Variants in PKHD1 observed in about 807,000 individuals in gnomAD.
PKHD1 encodes the protein fibrocystin.
PKHD1 carries 291 observed loss-of-function variants against 412.0 expected under a neutral mutation model. The observed-to-expected ratio is 0.71, with a 90% confidence interval of 0.64 to 0.78. The LOEUF (loss-of-function observed/expected upper bound fraction) is 0.78, where lower values mean the gene tolerates loss of function less well. PKHD1 is among the 30% of genes least tolerant of loss of function. The pLI, the probability that PKHD1 is intolerant of heterozygous loss-of-function variation, is 0.00. For missense variants in PKHD1, 4,825 were observed against 4,950.7 expected (o/e 0.97, Z 0.76); for synonymous variants, 1,777 against 1,821.5 (o/e 0.98, Z 0.62).
intron 20 of PKHD1, 90 bp downstream of exon 20, chr6:52,053,948 C>T (rs956328026): frequency 6.0e-6 from 8 of 1,324,974 alleles, no homozygotes; most frequent in African/African-American, 5.8e-5. Flanking sequence ...AATATAAGAC[C>T]ATTAGTGCCT....
intron 66 of PKHD1, among the ~76,000 whole-genome samples, chr6:51,620,900 C>T (rs1766531939): frequency 6.6e-6 from 1 of 151,444 alleles, no homozygotes; most frequent in Non-Finnish European, 1.5e-5. Context: ...TTATGATAAG[C>T]CCATGTTATT....
Position 51,830,976 on chromosome 6 carries a change from G to T in PKHD1, c.8187C>A (p.Ala2729=), listed in dbSNP as rs149310653. ...GGGACCATTTTAAAGCTGATTCAGGGGCAGAGGTAGAAGCTAGAAAATAAA... is the reference window on the plus strand; with the variant it reads ...GGGACCATTTTAAAGCTGATTCAGGTGCAGAGGTAGAAGCTAGAAAATAAA... ...MPPTISASTS[A]PESALKWSLP... The change falls in exon 52 of 67, where the codon GCC becomes GCA. Residue 2729 remains alanine, a synonymous_variant. Coordinates refer to ENST00000371117, the MANE Select transcript of PKHD1 (RefSeq NM_138694.4). 2.3e-5 allele frequency: 37 copies of T among 1,611,824 alleles called. No individual in the cohort carries two copies. The African/African-American group carries it at 4.9e-4, about 22-fold the overall frequency.
chr6:51,663,465 T>C (rs545712372), intron 60 of PKHD1, among the ~76,000 whole-genome samples: 16 of 152,298 alleles, frequency 1.1e-4, no homozygotes, highest in Admixed American at 2.0e-4. Context: ...TCTAACTGTA[T>C]GTAATTTGAT....
At chr6:51,859,444 T>A (rs1412171160) in intron 48 of PKHD1, among the ~76,000 whole-genome samples, 1 of 145,068 alleles carries the variant, frequency 6.9e-6, no homozygotes, top group Non-Finnish European at 1.5e-5. Context: ...GAGAATGGCG[T>A]GAACCTGGGA....
intron 52 of PKHD1, among the ~76,000 whole-genome samples, chr6:51,823,979 T>C (rs1766905379): frequency 6.6e-6 from 1 of 152,178 alleles, no homozygotes; most frequent in African/African-American, 2.4e-5. Context: ...CTTTAATAAA[T>C]TTTAGGGGTC....
chr6:51,827,571 C>G (rs913217767), intron 52 of PKHD1, among the ~76,000 whole-genome samples: 1 of 152,154 alleles, frequency 6.6e-6, no homozygotes, highest in African/African-American at 2.4e-5. Flanking sequence ...AACTGCCCCT[C>G]TAATTCTTAC....
At chr6:51,793,982 T>A (rs9474074) in intron 52 of PKHD1, among the ~76,000 whole-genome samples, 25 of 151,522 alleles carry the variant, frequency 1.6e-4, no homozygotes, top group East Asian at 1.4e-3. Context: ...TAATTTACAC[T>A]CCTACCAATA....
chr6:51,621,292 T>C (rs1766586871), intron 66 of PKHD1, among the ~76,000 whole-genome samples: 1 of 152,176 alleles, frequency 6.6e-6, no homozygotes, highest in Non-Finnish European at 1.5e-5. Flanking sequence ...TCTCCATAAT[T>C]ACTGCTCCCA....
intron 61 of PKHD1, 54 bp downstream of exon 61, chr6:51,658,898 A>G (rs1233195789): frequency 9.0e-7 from 1 of 1,112,054 alleles, no homozygotes; most frequent in East Asian, 2.3e-5. Context: ...ACATATGTCA[A>G]TATGGACCTA....
At chr6:51,759,632 G>T (rs144531536) in intron 55 of PKHD1, among the ~76,000 whole-genome samples, 220 of 151,928 alleles carry the variant, frequency 1.4e-3, no homozygotes, top group African/African-American at 5.1e-3. Flanking sequence ...CTTAAGAAGG[G>T]TTACTTTTAC....
At chr6:51,694,338 A>G (rs1407096489) in intron 60 of PKHD1, among the ~76,000 whole-genome samples, 1 of 151,796 alleles carries the variant, frequency 6.6e-6, no homozygotes, top group Non-Finnish European at 1.5e-5. Context: ...TAAAACCACT[A>G]CCACTCTTCC....
intron 60 of PKHD1, among the ~76,000 whole-genome samples, chr6:51,664,448 G>A (rs1214112260): frequency 6.6e-6 from 1 of 152,196 alleles, no homozygotes; most frequent in Non-Finnish European, 1.5e-5. Flanking sequence ...GCCCAGGACC[G>A]GTCCATGAGG....
At chr6:52,022,779 T>C in intron 33 of PKHD1, 22 bp downstream of exon 33, 1 of 1,611,656 alleles carries the variant, frequency 6.2e-7, no homozygotes, top group Non-Finnish European at 8.5e-7. Context: ...TTAAAATATA[T>C]GTGTGTGGCA....
At chr6:51,839,605 T>C (rs910012876) in intron 50 of PKHD1, among the ~76,000 whole-genome samples, 8 of 152,158 alleles carry the variant, frequency 5.3e-5, no homozygotes, top group Middle Eastern at 3.2e-3. Context: ...AAGAACTCTA[T>C]CCTCACTTAA....
At chr6:51,966,078 T>C (rs1048314561) in intron 35 of PKHD1, among the ~76,000 whole-genome samples, 2 of 152,172 alleles carry the variant, frequency 1.3e-5, no homozygotes, top group African/African-American at 2.4e-5. Context: ...CTAATCCTTA[T>C]GTAAACCCTG....
intron 48 of PKHD1, among the ~76,000 whole-genome samples, chr6:51,862,755 G>A (rs1022529093): frequency 6.6e-6 from 1 of 152,154 alleles, no homozygotes; most frequent in Non-Finnish European, 1.5e-5. Flanking sequence ...TTCCAGGAGA[G>A]GTGGGAAGGA....
chr6:52,004,462 A>G (rs965294771), intron 35 of PKHD1, among the ~76,000 whole-genome samples: 1 of 152,092 alleles, frequency 6.6e-6, no homozygotes, highest in African/African-American at 2.4e-5. Flanking sequence ...AGTACGTTTC[A>G]ACATCTCTAT....
chr6:51,708,881 A>G (rs1294837210), intron 60 of PKHD1, among the ~76,000 whole-genome samples: 1 of 152,232 alleles, frequency 6.6e-6, no homozygotes, highest in African/African-American at 2.4e-5. Flanking sequence ...AAAGGATATT[A>G]AAAGAAAAAG....
intron 63 of PKHD1, among the ~76,000 whole-genome samples, chr6:51,641,144 TG>T (rs1395263615): frequency 6.6e-6 from 1 of 152,092 alleles, no homozygotes; most frequent in Non-Finnish European, 1.5e-5. Context: ...TTTGGTGACA[TG>T]GGTATGCTAA....
Sources: allele counts gnomAD v4.1 joint callset (sites outside exome capture counted in the v4.1 genomes callset), GRCh38; gene constraint gnomAD v4.1.1; transcripts MANE v1.5; gene names NCBI Gene and HGNC (gene_info 2026-07-23, HGNC 2026-07-21).